The following VAX2 variants were observed in gnomAD, a reference collection of about 807,000 sequenced individuals.
The protein encoded by VAX2 is ventral anterior homeobox 2.
A neutral mutation model predicts 12.5 loss-of-function variants in VAX2; 8 were observed. The ratio of observed to expected loss-of-function variants is 0.64; its 90% confidence interval spans 0.37 to 1.15. VAX2 has a LOEUF of 1.15. Ranked by LOEUF, VAX2 falls within the 50% of genes most tolerant of loss-of-function variation. VAX2 has a pLI of 0.01. For synonymous variants in VAX2, 183 were observed against 187.6 expected (o/e 0.98, Z 0.20); for missense variants, 476 against 412.9 (o/e 1.15, Z -1.32).
Position 70,928,381 on chromosome 2 carries a change from C to T in VAX2, c.436-4386C>T, listed in dbSNP as rs144228659. Among the ~76,000 whole-genome samples the T allele has an allele frequency of 2.8e-3, 432 of 152,296 alleles. 4 individuals are homozygous for T. Among genetic ancestry groups the T allele is most frequent in the African/African-American group, 9.5e-3 (394 of 41,558 alleles). ...ATTTAATATGGGTGAGGCATGAGGC[C>T]CGGACATCATCCCAGAAAATTCCAG... On this transcript the variant is annotated intron_variant, in intron 2 of 2. Coordinates refer to ENST00000234392, the MANE Select transcript of VAX2 (RefSeq NM_012476.3).
In VAX2 at chr2:70,900,815, A is replaced by T; in HGVS notation, c.194A>T (p.Asp65Val). Reference protein sequence around the residue: ...AGSRESGADSDGQPGPGEADH... With the variant: ...AGSRESGADSVGQPGPGEADH... The stretch of plus-strand genomic sequence containing the variant: ...TCCAGGGAGAGTGGAGCCGACAGCG[A>T]CGGGCAGCCCGGGCCCGGCGAGGCA... Residue 65 changes from aspartate (D) to valine (V), a missense_variant, in exon 1 of 3, where the codon GAC becomes GTC. Physicochemically the swap from Asp to Val is radical, Grantham distance 152. Coordinates refer to ENST00000234392, the MANE Select transcript of VAX2 (RefSeq NM_012476.3). The T allele has an allele frequency of 6.7e-7, 1 of 1,488,444 alleles. No homozygotes were observed. The highest frequency in any genetic ancestry group is 8.9e-7 in the Non-Finnish European group (1 of 1,119,280). The allele number at this position is 1,488,444 out of a possible 1,614,324, so 92.2% of individuals were successfully genotyped here.
intron 2 of VAX2, among the ~76,000 whole-genome samples, chr2:70,923,795 C>T (rs536416579): frequency 4.3e-4 from 65 of 151,926 alleles, no homozygotes; most frequent in Non-Finnish European, 6.0e-4. Context: ...AGCACTTCCA[C>T]GTGTTCGCCA....
chr2:70,921,314 T>C, intron 2 of VAX2, 29 bp downstream of exon 2: 4 of 1,545,300 alleles, frequency 2.6e-6, no homozygotes, highest in Non-Finnish European at 3.5e-6. Flanking sequence ...GCCACTCCAC[T>C]CTTGTCCTGG....
Position 70,933,185 on chromosome 2 carries a change from G to T in VAX2, c.854G>T (p.Cys285Phe). Residue 285 changes from cysteine (C) to phenylalanine (F), a missense_variant, in exon 3 of 3, where the codon TGC becomes TTC. Cys to Phe is a radical substitution (Grantham distance 205). Coordinates refer to ENST00000234392, the MANE Select transcript of VAX2 (RefSeq NM_012476.3). ...CGGAAAGTGGGCAGCGCCAGCAGCT[G>T]CAAGAAAGCTAACACTTAAGACTCC... ...LERKVGSASS[C>F]KKANT The T allele has an allele frequency of 6.6e-7, 1 of 1,526,190 alleles. No homozygotes were observed. The highest frequency in any genetic ancestry group is 8.8e-7 in the Non-Finnish European group (1 of 1,138,640). The allele number at this position is 1,526,190 out of a possible 1,614,324, so 94.5% of individuals were successfully genotyped here. A position where few individuals can be genotyped will look rare whatever the true frequency, so the allele number is the denominator to read the frequency against.
chr2:70,914,835 C>A (rs979806835), intron 1 of VAX2, among the ~76,000 whole-genome samples: 1 of 147,832 alleles, frequency 6.8e-6, no homozygotes, highest in South Asian at 2.1e-4. Context: ...CAGAGTCTCA[C>A]GGTATTGCCA....
At position 70,904,886 on chromosome 2, in the gene VAX2, C is replaced by T. The variant is rs1243731011; in HGVS notation, c.247+4018C>T. On this transcript the variant is annotated intron_variant, in intron 1 of 2. Transcript: ENST00000234392. This position sits in a 1 kb window ranked among gnomAD's most constrained non-coding sequence, Gnocchi z 4.2. ...AGTCGGGACCCACGCTCCGGAAACACCCAAGTCCGAACTCGTACACACAGC... is the reference window on the plus strand; with the variant it reads ...AGTCGGGACCCACGCTCCGGAAACATCCAAGTCCGAACTCGTACACACAGC... Among the ~76,000 whole-genome samples, 1 of 152,238 alleles carries T rather than the reference C, an allele frequency of 6.6e-6. No homozygotes were observed. Among genetic ancestry groups the T allele is most frequent in the Non-Finnish European group, 1.5e-5 (1 of 68,052 alleles).
At position 70,921,131 on chromosome 2, in the gene VAX2, C is replaced by G; in HGVS notation, c.281C>G (p.Pro94Arg). Residue 94 changes from proline to arginine, a missense_variant, in exon 2 of 3, where the codon CCT becomes CGT. Physicochemically the swap from Pro to Arg is moderately radical, Grantham distance 103. Coordinates refer to ENST00000234392, the MANE Select transcript of VAX2 (RefSeq NM_012476.3). ...AKGTIREIVLPKGLDLDRPKR... is the reference protein window; with the variant it reads ...AKGTIREIVLRKGLDLDRPKR... ...GGGACAATTCGGGAAATTGTCCTGC[C>G]TAAGGGCCTGGACCTGGACCGGCCC... The G allele has an allele frequency of 6.2e-7, 1 of 1,611,178 alleles. No individual in the cohort carries two copies. The highest frequency in any genetic ancestry group is 8.5e-7 in the Non-Finnish European group (1 of 1,178,862).
chr2:70,923,292 C>T (rs1679501867), intron 2 of VAX2, among the ~76,000 whole-genome samples: 1 of 152,172 alleles, frequency 6.6e-6, no homozygotes, highest in African/African-American at 2.4e-5. Flanking sequence ...GCTTCCCATG[C>T]ACCAGGTCCT....
chr2:70,906,520 CTTTTTTTTT>C (rs869309305), intron 1 of VAX2, among the ~76,000 whole-genome samples: 14 of 60,596 alleles, frequency 2.3e-4, no homozygotes, highest in South Asian at 1.8e-3. Context: ...TTTTCTTTTC[CTTTTTTTTT>C]TTTTTTTTTT....
intron 2 of VAX2, among the ~76,000 whole-genome samples, chr2:70,924,559 T>A (rs1679527738): frequency 1.3e-5 from 2 of 152,038 alleles, no homozygotes; most frequent in Non-Finnish European, 2.9e-5. Flanking sequence ...GTTAAATAGA[T>A]AACTTGCTCA....
chr2:70,920,623 T>C (rs1553412686), intron 1 of VAX2, among the ~76,000 whole-genome samples: 2 of 127,078 alleles, frequency 1.6e-5, no homozygotes, highest in African/African-American at 6.4e-5. Context: ...TGACACTCCT[T>C]CATGCATGCA....
In VAX2 at chr2:70,905,310, G is replaced by A. The variant is rs534724948; in HGVS notation, c.247+4442G>A. On this transcript the variant is annotated intron_variant, in intron 1 of 2. Transcript: ENST00000234392. ...GTATTTGTTTTATTTTTTGGTTTTA[G>A]CATTTGTAGAGGGTTTCTTTTTTGT... 2.0e-5 allele frequency among the ~76,000 whole-genome samples: 3 copies of A among 152,250 alleles called. 1 individual carries two copies. Among genetic ancestry groups the A allele is most frequent in the Non-Finnish European group, 4.4e-5 (3 of 68,026 alleles).
intron 1 of VAX2, among the ~76,000 whole-genome samples, chr2:70,914,557 G>T (rs561535415): frequency 1.3e-5 from 2 of 151,878 alleles, no homozygotes; most frequent in South Asian, 4.2e-4. Context: ...TAGCGTATAG[G>T]AGTGTAGATT....
intron 2 of VAX2, among the ~76,000 whole-genome samples, chr2:70,924,633 AT>A (rs1383060987): frequency 6.6e-6 from 1 of 152,174 alleles, no homozygotes; most frequent in Non-Finnish European, 1.5e-5. Context: ...GGGTACTATT[AT>A]CCCCATTTAA....
In VAX2 at chr2:70,904,981, A is replaced by G. The variant is rs1362123639; in HGVS notation, c.247+4113A>G. Among the ~76,000 whole-genome samples the G allele has an allele frequency of 1.3e-5, 2 of 152,218 alleles. No individual in the cohort carries two copies. Among genetic ancestry groups the G allele is most frequent in the African/African-American group, 4.8e-5 (2 of 41,464 alleles). ...CTGAAGAAGCCATACAAGGGGGCGCAGCTTCGGGGCTCTGGCTGGGAGGTT... is the reference window on the plus strand; with the variant it reads ...CTGAAGAAGCCATACAAGGGGGCGCGGCTTCGGGGCTCTGGCTGGGAGGTT... On this transcript the variant is annotated intron_variant, in intron 1 of 2. Transcript: ENST00000234392. The surrounding 1 kb of genome is among the most constrained non-coding windows in gnomAD (Gnocchi z 4.2).
intron 1 of VAX2, among the ~76,000 whole-genome samples, chr2:70,916,696 T>A (rs901661067): frequency 1.3e-5 from 2 of 152,352 alleles, no homozygotes; most frequent in African/African-American, 4.8e-5. Flanking sequence ...GTTTCAATCG[T>A]TCTTCCTTTT....
At chr2:70,916,396 GTTTT>G (rs144077459) in intron 1 of VAX2, among the ~76,000 whole-genome samples, 3,222 of 152,092 alleles carry the variant, frequency 0.021, 122 homozygotes, top group African/African-American at 0.073. Context: ...TCCTTGCACT[GTTTT>G]TTTGTTTTTT....
chr2:70,909,545 A>C (rs1441379631), intron 1 of VAX2, among the ~76,000 whole-genome samples: 1 of 152,136 alleles, frequency 6.6e-6, no homozygotes, highest in African/African-American at 2.4e-5. Flanking sequence ...TTTCCCTTAC[A>C]TGATACACTT....
intron 2 of VAX2, among the ~76,000 whole-genome samples, chr2:70,921,684 A>G (rs1679462215): frequency 6.6e-6 from 1 of 151,952 alleles, no homozygotes; most frequent in Non-Finnish European, 1.5e-5. Flanking sequence ...ACATTATAAA[A>G]TTGGGCTGGG....
Sources: allele counts gnomAD v4.1 joint callset (sites outside exome capture counted in the v4.1 genomes callset), GRCh38; gene constraint gnomAD v4.1.1; non-coding constraint Gnocchi (gnomAD v3.1); transcripts MANE v1.5; gene names NCBI Gene and HGNC (gene_info 2026-07-23, HGNC 2026-07-21).